The following NBAS variants were observed in gnomAD, a reference collection of about 807,000 sequenced individuals.
The protein encoded by NBAS is NAG/BC035112 fusion.
A neutral mutation model predicts 302.5 loss-of-function variants in NBAS; 219 were observed. The ratio of observed to expected loss-of-function variants is 0.72; its 90% confidence interval spans 0.65 to 0.81. NBAS has a LOEUF of 0.81. Ranked by LOEUF, NBAS falls within the 30% of genes least tolerant of loss-of-function variation. The pLI is 0.00. For missense variants in NBAS, 2,932 were observed against 2,841.6 expected, an observed-to-expected ratio of 1.03 and a Z score of -0.72; for synonymous variants, 1,118 against 1,021.6, an observed-to-expected ratio of 1.09 and a Z score of -1.80.
intron 35 of NBAS, among the ~76,000 whole-genome samples, chr2:15,350,869 A>G (rs1673320637): frequency 6.6e-6 from 1 of 152,232 alleles, no homozygotes; most frequent in Non-Finnish European, 1.5e-5. Flanking sequence ...TGGAGTAACT[A>G]GCAATCCTGT....
chr2:15,489,624 G>A (rs1680772774), intron 11 of NBAS, among the ~76,000 whole-genome samples: 1 of 152,146 alleles, frequency 6.6e-6, no homozygotes, highest in Non-Finnish European at 1.5e-5. Flanking sequence ...CCAGTTTAAG[G>A]AATGTGTTAC....
the NBAS span, among the ~76,000 whole-genome samples, chr2:14,906,544 A>T: frequency 6.6e-6 from 1 of 152,074 alleles, no homozygotes; most frequent in African/African-American, 2.4e-5. Flanking sequence ...TTTACTCGCT[A>T]TTGTTCCTAC....
the NBAS span, among the ~76,000 whole-genome samples, chr2:14,796,582 G>A: frequency 2.0e-5 from 3 of 151,590 alleles, no homozygotes; most frequent in African/African-American, 7.3e-5. Context: ...TTATATTATT[G>A]TCAATGCTAT....
rs371633490 is a variant in NBAS, at chr2:15,330,643, A to G, written c.4302T>C (p.Asp1434=). The G allele has an allele frequency of 6.8e-5, 110 of 1,613,940 alleles. 1 individual carries two copies. The highest frequency in any genetic ancestry group is 9.2e-5 in the Non-Finnish European group (108 of 1,179,962). ...TTAAAGACTTCTTCCACCACTGCCC[A>G]TCACTGACGGCCTGCAGCACCGCTT... ...TTKAVLQAVS[D]GQWWKKSLTY... The change falls in exon 36 of 52, where the codon GAT becomes GAC. Residue 1434 remains aspartate (D), a synonymous_variant. Coordinates refer to ENST00000281513, the MANE Select transcript of NBAS (RefSeq NM_015909.4).
At chr2:15,182,604 G>A (rs1252370091) in intron 50 of NBAS, among the ~76,000 whole-genome samples, 1 of 152,200 alleles carries the variant, frequency 6.6e-6, no homozygotes, top group Non-Finnish European at 1.5e-5. Context: ...TGGACCTTCA[G>A]GGTCAGTCAC....
At chr2:15,309,380 A>G in intron 38 of NBAS, 133 bp from the exon 39 acceptor site, 2 of 690,426 alleles carry the variant, frequency 2.9e-6, no homozygotes, top group Non-Finnish European at 2.5e-6. Flanking sequence ...AAGGCTGTTC[A>G]GCACCATCTA....
intron 44 of NBAS, among the ~76,000 whole-genome samples, chr2:15,244,024 G>A (rs576120112): frequency 6.6e-6 from 1 of 152,280 alleles, no homozygotes; most frequent in African/African-American, 2.4e-5. Flanking sequence ...AATTAATGAT[G>A]TCATCCTTAA....
chr2:15,064,193 A>G, the NBAS span, among the ~76,000 whole-genome samples: 94 of 152,292 alleles, frequency 6.2e-4, no homozygotes, highest in Admixed American at 1.5e-3. Flanking sequence ...ACAGAAATAA[A>G]TAGAAAATAG....
At chr2:15,171,781 T>C (rs1664303420) in intron 51 of NBAS, among the ~76,000 whole-genome samples, 2 of 152,128 alleles carry the variant, frequency 1.3e-5, no homozygotes, top group South Asian at 2.1e-4. Flanking sequence ...TGGACTCCGA[T>C]ATAACCGGTG....
At chr2:15,285,669 T>C (rs1288849832) in intron 42 of NBAS, among the ~76,000 whole-genome samples, 2 of 152,224 alleles carry the variant, frequency 1.3e-5, no homozygotes, top group Non-Finnish European at 2.9e-5. Context: ...TTTTCTTTTT[T>C]TGAGACAGAG....
chr2:14,970,952 T>C, the NBAS span, among the ~76,000 whole-genome samples: 3 of 152,130 alleles, frequency 2.0e-5, no homozygotes, highest in African/African-American at 7.2e-5. Flanking sequence ...AGTGGTAATA[T>C]TAACTGGTAC....
intron 35 of NBAS, among the ~76,000 whole-genome samples, chr2:15,335,678 C>T (rs1159943919): frequency 6.6e-6 from 1 of 152,114 alleles, no homozygotes; most frequent in Admixed American, 6.5e-5. Context: ...AATGGTTATC[C>T]ATCTGTTTTA....
At chr2:15,024,556 A>G in the NBAS span, among the ~76,000 whole-genome samples, 3 of 152,170 alleles carry the variant, frequency 2.0e-5, no homozygotes, top group East Asian at 5.8e-4. Flanking sequence ...GCTTTCCACA[A>G]AAGCTGAACT....
the NBAS span, among the ~76,000 whole-genome samples, chr2:14,888,872 G>T: frequency 6.6e-6 from 1 of 152,216 alleles, no homozygotes; most frequent in African/African-American, 2.4e-5. Flanking sequence ...TGGAAGCAGA[G>T]TAGAGGTCAG....
chr2:15,244,687 A>G (rs1558469705), intron 44 of NBAS, among the ~76,000 whole-genome samples: 1 of 152,182 alleles, frequency 6.6e-6, no homozygotes, highest in Non-Finnish European at 1.5e-5. Flanking sequence ...CCTGATGCGC[A>G]GCCTACTGAG....
intron 21 of NBAS, among the ~76,000 whole-genome samples, chr2:15,445,757 T>A (rs1231351343): frequency 1.3e-5 from 2 of 151,004 alleles, no homozygotes; most frequent in Non-Finnish European, 2.9e-5. Flanking sequence ...AGTTACCAGG[T>A]ATGTAAAGAA....
chr2:15,515,688 C>T (rs1662356150), intron 9 of NBAS, among the ~76,000 whole-genome samples: 1 of 152,146 alleles, frequency 6.6e-6, no homozygotes, highest in African/African-American at 2.4e-5. Flanking sequence ...TAAACACGCT[C>T]CATCATCATC....
At chr2:15,453,763 G>GT (rs1679126547) in intron 21 of NBAS, among the ~76,000 whole-genome samples, 1 of 151,832 alleles carries the variant, frequency 6.6e-6, no homozygotes, top group African/African-American at 2.4e-5. Flanking sequence ...GGATACTATA[G>GT]TAACAGCTTT....
At chr2:15,267,003 T>A (rs1176748621) in intron 44 of NBAS, among the ~76,000 whole-genome samples, 3 of 152,222 alleles carry the variant, frequency 2.0e-5, no homozygotes, top group African/African-American at 7.2e-5. Context: ...TAGCTATCTA[T>A]CACCCAGCTT....
Sources: gnomAD v4.1 joint callset for allele counts (sites outside exome capture counted in the v4.1 genomes callset) on GRCh38, gnomAD v4.1.1 for gene constraint, MANE v1.5 for transcripts, NCBI Gene and HGNC (gene_info 2026-07-23, HGNC 2026-07-21) for gene names.